Variants in ZNF385D observed in about 807,000 individuals in gnomAD.
ZNF385D encodes zinc finger protein 385D, also known as zinc finger protein 659.
Under a neutral mutation model 35.8 loss-of-function variants are expected in ZNF385D, and 15 were observed. That is an observed-to-expected ratio of 0.42 (90% CI 0.28 to 0.64). The LOEUF (loss-of-function observed/expected upper bound fraction) is 0.64, where lower values mean the gene tolerates loss of function less well. Ranked by LOEUF, ZNF385D falls within the 30% of genes least tolerant of loss-of-function variation. The pLI, the probability that ZNF385D is intolerant of heterozygous loss-of-function variation, is 0.23. For missense variants in ZNF385D, 474 were observed against 494.6 expected (o/e 0.96, Z 0.39); for synonymous variants, 212 against 186.8 (o/e 1.13, Z -1.10).
intron 2 of ZNF385D, among the ~76,000 whole-genome samples, chr3:22,252,715 T>C (rs372300823): frequency 3.9e-5 from 6 of 152,002 alleles, no homozygotes; most frequent in African/African-American, 1.2e-4. Context: ...CAGACAGAGA[T>C]GGCATGGAAA....
In ZNF385D at chr3:21,952,490, T is replaced by C. The variant is rs559570066; in HGVS notation, c.325+216327A>G. Reference sequence around the variant, plus strand: ...TTAAAATGTGAAAAAAAATGGACTATACTTTTAAGGTCAAATGGCCTGGGT... The same window carrying C: ...TTAAAATGTGAAAAAAAATGGACTACACTTTTAAGGTCAAATGGCCTGGGT... On this transcript the variant is annotated intron_variant, in intron 3 of 5. Transcript: ENST00000494108. 3.2e-4 allele frequency among the ~76,000 whole-genome samples: 48 copies of C among 152,214 alleles called. 1 individual carries two copies. Among genetic ancestry groups the C allele is most frequent in the Admixed American group, 2.3e-3 (35 of 15,260 alleles).
intron 2 of ZNF385D, among the ~76,000 whole-genome samples, chr3:21,664,492 C>G (rs866785219): frequency 1.3e-5 from 2 of 152,118 alleles, no homozygotes. Flanking sequence ...AAAAACGTAA[C>G]AGATTTGGAA....
chr3:21,712,793 T>C lies in ZNF385D; in HGVS notation c.22+38102A>G, dbSNP rs141151285. Among the ~76,000 whole-genome samples the C allele has an allele frequency of 6.6e-3, 1,006 of 152,324 alleles. 7 individuals are homozygous for C. Among genetic ancestry groups the C allele is most frequent in the African/African-American group, 0.023 (972 of 41,570 alleles). On this transcript the variant is annotated intron_variant, in intron 1 of 7. Transcript: ENST00000281523. ...TGAGCAAATACAGTTCTCTCTACTC[T>C]ATCAAGAGTAATTTATTTCTTAAAT...
chr3:21,450,257 C>A (rs575992351), intron 4 of ZNF385D, among the ~76,000 whole-genome samples: 61 of 152,240 alleles, frequency 4.0e-4, no homozygotes, highest in Non-Finnish European at 5.0e-4. Context: ...GCTCTTGGAC[C>A]ACACATTAGG....
intron 3 of ZNF385D, among the ~76,000 whole-genome samples, chr3:21,775,976 C>A (rs754693748): frequency 1.1e-3 from 162 of 151,546 alleles, no homozygotes; most frequent in Non-Finnish European, 1.6e-3. Flanking sequence ...TTCAGATACT[C>A]AATTATATAG....
At chr3:22,347,717 C>G (rs1467917018) in intron 2 of ZNF385D, among the ~76,000 whole-genome samples, 1 of 152,000 alleles carries the variant, frequency 6.6e-6, no homozygotes, top group Non-Finnish European at 1.5e-5. Context: ...GAGGATTACA[C>G]AAAAAGATGG....
At chr3:21,868,229 G>A (rs1697482296) in intron 3 of ZNF385D, among the ~76,000 whole-genome samples, 1 of 152,194 alleles carries the variant, frequency 6.6e-6, no homozygotes, top group East Asian at 1.9e-4. Flanking sequence ...TGCACTGAAA[G>A]CATCCATAGA....
chr3:21,826,862 G>T (rs896874075), intron 3 of ZNF385D, among the ~76,000 whole-genome samples: 1 of 151,214 alleles, frequency 6.6e-6, no homozygotes, highest in Non-Finnish European at 1.5e-5. Context: ...ACAAGGTTGT[G>T]AGTGGTCCCA....
intron 2 of ZNF385D, among the ~76,000 whole-genome samples, chr3:22,220,352 G>A (rs1353407341): frequency 6.6e-6 from 1 of 152,104 alleles, no homozygotes; most frequent in Non-Finnish European, 1.5e-5. Flanking sequence ...GGACACTTTA[G>A]GAGCCACTGC....
At chr3:21,667,892 G>C (rs1188472434) in intron 1 of ZNF385D, among the ~76,000 whole-genome samples, 2 of 151,986 alleles carry the variant, frequency 1.3e-5, no homozygotes, top group Admixed American at 6.6e-5. Flanking sequence ...TCCTCTCTCA[G>C]TGTTGCAACT....
chr3:22,131,473 G>C (rs748485257), intron 3 of ZNF385D, among the ~76,000 whole-genome samples: 1 of 151,936 alleles, frequency 6.6e-6, no homozygotes, highest in African/African-American at 2.4e-5. Flanking sequence ...GAAGTGAAGA[G>C]AATATTTTTA....
chr3:22,368,900 G>A (rs180805444), intron 2 of ZNF385D, among the ~76,000 whole-genome samples: 16 of 152,230 alleles, frequency 1.1e-4, no homozygotes, highest in Non-Finnish European at 1.8e-4. Context: ...ATTTTTAATT[G>A]ACTAGAATGT....
At chr3:22,163,528 G>T (rs532005264) in intron 3 of ZNF385D, among the ~76,000 whole-genome samples, 12 of 151,692 alleles carry the variant, frequency 7.9e-5, no homozygotes, top group Non-Finnish European at 1.3e-4. Flanking sequence ...TAATGCTCTT[G>T]CTTATTCAAG....
chr3:21,551,480 T>C (rs1037764077), intron 3 of ZNF385D, among the ~76,000 whole-genome samples: 43 of 152,246 alleles, frequency 2.8e-4, no homozygotes, highest in African/African-American at 9.6e-4. Flanking sequence ...TACAATCTTA[T>C]ATATCCTTAG....
intron 3 of ZNF385D, among the ~76,000 whole-genome samples, chr3:22,005,967 T>C (rs906057654): frequency 3.9e-5 from 6 of 152,078 alleles, no homozygotes; most frequent in Non-Finnish European, 7.4e-5. Flanking sequence ...GCTTTCTTCT[T>C]CCCTCTTTCT....
chr3:22,247,280 CTA>C (rs1039955340), intron 2 of ZNF385D, among the ~76,000 whole-genome samples: 8 of 151,820 alleles, frequency 5.3e-5, no homozygotes, highest in Admixed American at 2.0e-4. Flanking sequence ...AAAAGAAAAA[CTA>C]AAACTATTTT....
At chr3:21,798,855 G>A (rs1484071912) in intron 3 of ZNF385D, among the ~76,000 whole-genome samples, 1 of 152,060 alleles carries the variant, frequency 6.6e-6, no homozygotes, top group Non-Finnish European at 1.5e-5. Context: ...CAATTCAGTA[G>A]CATTTACTAA....
intron 2 of ZNF385D, among the ~76,000 whole-genome samples, chr3:22,314,943 G>C (rs1192748050): frequency 6.6e-6 from 1 of 152,130 alleles, no homozygotes; most frequent in Non-Finnish European, 1.5e-5. Context: ...AAAATGAATG[G>C]ATGTGGAGTA....
chr3:21,848,227 A>C (rs940029306), intron 3 of ZNF385D, among the ~76,000 whole-genome samples: 3 of 151,930 alleles, frequency 2.0e-5, no homozygotes, highest in Non-Finnish European at 4.4e-5. Context: ...TGTATACCAC[A>C]TTTTCTTTAT....
Sources: allele counts gnomAD v4.1 joint callset (sites outside exome capture counted in the v4.1 genomes callset), GRCh38; gene constraint gnomAD v4.1.1; transcripts MANE v1.5; gene names NCBI Gene and HGNC (gene_info 2026-07-23, HGNC 2026-07-21).